Variants in PSORS1C1 observed in about 807,000 individuals in gnomAD.
PSORS1C1 encodes the protein psoriasis susceptibility 1 candidate 1, also known as psoriasis susceptibility 1 candidate gene 1 protein.
A neutral mutation model predicts 9.4 loss-of-function variants in PSORS1C1; 7 were observed. The ratio of observed to expected loss-of-function variants is 0.75; its 90% CI spans 0.42 to 1.40. The LOEUF (loss-of-function observed/expected upper bound fraction) is 1.40, where lower values mean the gene tolerates loss of function less well. PSORS1C1 is among the 40% of genes most tolerant of loss of function. The pLI, the probability that PSORS1C1 is intolerant of heterozygous loss-of-function variation, is 0.01. For missense variants in PSORS1C1, 146 were observed against 178.1 expected (o/e 0.82, Z 1.02); for synonymous variants, 63 against 69.4 (o/e 0.91, Z 0.46).
intron 3 of PSORS1C1, chr6:31,137,661 G>C (rs1170475635): frequency 2.8e-6 from 1 of 359,522 alleles, no homozygotes; most frequent in Non-Finnish European, 5.0e-6. Flanking sequence ...CGATCGCGCG[G>C]GCAGGAAGAC....
chr6:31,135,008 GT>G (rs1405585386), intron 3 of PSORS1C1, among the ~76,000 whole-genome samples: 2 of 151,886 alleles, frequency 1.3e-5, no homozygotes, highest in African/African-American at 4.8e-5. Context: ...TGTAGAAACA[GT>G]TTTGCCATGT....
At chr6:31,129,764 G>A (rs1433924356) in intron 3 of PSORS1C1, 119 bp downstream of exon 3, 1 of 705,806 alleles carries the variant, frequency 1.4e-6, no homozygotes, top group Non-Finnish European at 2.6e-6. Flanking sequence ...AGAAAGACAA[G>A]GCACAGTTGC....
At chr6:31,136,009 T>G (rs1012122813) in intron 3 of PSORS1C1, among the ~76,000 whole-genome samples, 2 of 152,150 alleles carry the variant, frequency 1.3e-5, no homozygotes, top group Non-Finnish European at 1.5e-5. Flanking sequence ...GCCATGATCG[T>G]GCCACTGCAC....
In PSORS1C1 at chr6:31,134,508, T is replaced by C. The variant is rs1002264818; in HGVS notation, c.14-3922T>C. 4.6e-5 allele frequency among the ~76,000 whole-genome samples: 7 copies of C among 151,980 alleles called. No homozygotes were observed. In the East Asian group the frequency reaches 1.2e-3, roughly 25 times the overall value. On this transcript the variant is annotated intron_variant, in intron 3 of 5. Coordinates refer to ENST00000259881, the MANE Select transcript of PSORS1C1 (RefSeq NM_014068.3). ...TTTTAGTAGAGACTGGGTTTCACCA[T>C]GTTAGCCAGGATGGTCTCGATCTCC... is the stretch of plus-strand genomic sequence containing the variant.
At position 31,115,323 on chromosome 6, in the gene PSORS1C1, G is replaced by A. The variant is rs961504330; in HGVS notation, c.-229+432G>A. The A allele has an allele frequency of 1.6e-5, 3 of 186,454 alleles. No homozygotes were observed. Among genetic ancestry groups the A allele is most frequent in the Non-Finnish European group, 3.4e-5 (3 of 88,554 alleles). 11.5% of individuals were successfully genotyped at this position (186,454 alleles called of 1,614,324 possible). A position where few individuals can be genotyped will look rare whatever the true frequency, so the allele number is the denominator to read the frequency against. ...GTCCAGGATCCAGGGACAGCAGGGA[G>A]CCTGCTTCAACCTCTGAGGGTGCCC... On this transcript the variant is annotated intron_variant, in intron 1 of 5. Coordinates refer to ENST00000259881, the MANE Select transcript of PSORS1C1 (RefSeq NM_014068.3). The surrounding 1 kb of genome is among the most constrained non-coding windows in gnomAD (Gnocchi z 4.2).
At position 31,123,485 on chromosome 6, in the gene PSORS1C1, C is replaced by T. The variant is rs528620494; in HGVS notation, c.-228-2191C>T. Among the ~76,000 whole-genome samples the T allele has an allele frequency of 4.6e-5, 7 of 152,348 alleles. No homozygotes were observed. The East Asian group carries it at 5.8e-4, about 13-fold the overall frequency. On this transcript the variant is annotated intron_variant, in intron 1 of 5. Transcript: ENST00000259881. ...TTCAGTGAAGCTGCCAGTTTGGTGA[C>T]GTCCACAGTAGTGCAGGCAGCTCTG... is the stretch of plus-strand genomic sequence containing the variant.
intron 3 of PSORS1C1, among the ~76,000 whole-genome samples, chr6:31,131,858 G>C (rs1772927503): frequency 6.6e-6 from 1 of 152,248 alleles, no homozygotes; most frequent in African/African-American, 2.4e-5. Flanking sequence ...GTAGAAAGTA[G>C]TTGCAATAGT....
chr6:31,129,262 G>T (rs949432584), intron 2 of PSORS1C1, among the ~76,000 whole-genome samples: 10 of 152,058 alleles, frequency 6.6e-5, no homozygotes, highest in Non-Finnish European at 1.3e-4. Context: ...ATCCTATTCT[G>T]TTATTTAATT....
Position 31,128,873 on chromosome 6 carries a change from C to G in PSORS1C1, c.-64-696C>G, listed in dbSNP as rs528276262. The stretch of plus-strand genomic sequence containing the variant: ...TTGTCATGATGTATATGTTTGTCCT[C>G]CCTAAACACAGAGCCCCTTGAGGGC... On this transcript the variant is annotated intron_variant, in intron 2 of 5. Coordinates refer to ENST00000259881, the MANE Select transcript of PSORS1C1 (RefSeq NM_014068.3). The surrounding 1 kb of genome is among the most constrained non-coding windows in gnomAD (Gnocchi z 4.3). 2.6e-5 allele frequency among the ~76,000 whole-genome samples: 4 copies of G among 152,312 alleles called. No individual in the cohort carries two copies. The highest frequency in any genetic ancestry group is 9.6e-5 in the African/African-American group (4 of 41,574).
chr6:31,116,277 C>T, intron 1 of PSORS1C1: 1 of 1,614,112 alleles, frequency 6.2e-7, no homozygotes. Flanking sequence ...TGCCACAAGG[C>T]TGAAGGATGA....
At chr6:31,129,444 C>T (rs1410634528) in intron 2 of PSORS1C1, 125 bp from the exon 3 acceptor site, 1 of 622,484 alleles carries the variant, frequency 1.6e-6, no homozygotes, top group Non-Finnish European at 2.9e-6. Context: ...CACTCAGTCT[C>T]CTCCCCAGCT....
intron 1 of PSORS1C1, chr6:31,117,740 G>C (rs1206483257): frequency 1.7e-6 from 1 of 592,584 alleles, no homozygotes; most frequent in African/African-American, 1.9e-5. Flanking sequence ...GGAAGGGTGG[G>C]CAAACACCAA....
chr6:31,132,408 GCTACT>G (rs199767002), intron 3 of PSORS1C1, among the ~76,000 whole-genome samples: 13,443 of 152,080 alleles, frequency 0.088, 701 homozygotes, highest in Middle Eastern at 0.17. Flanking sequence ...TGTAATCCCA[GCTACT>G]CAGGAAGCAG....
chr6:31,130,983 A>T (rs1390214956), intron 3 of PSORS1C1, among the ~76,000 whole-genome samples: 1 of 151,496 alleles, frequency 6.6e-6, no homozygotes, highest in Non-Finnish European at 1.5e-5. Flanking sequence ...GCGCCCTACC[A>T]TGTTCAGCTA....
chr6:31,138,048 G>C, intron 3 of PSORS1C1: 1 of 1,533,826 alleles, frequency 6.5e-7, no homozygotes, highest in Non-Finnish European at 8.7e-7. Context: ...TGGGGGCTGG[G>C]GTCCTGCCGG....
intron 2 of PSORS1C1, among the ~76,000 whole-genome samples, chr6:31,126,200 C>G (rs555205612): frequency 6.6e-6 from 1 of 152,350 alleles, no homozygotes; most frequent in South Asian, 2.1e-4. Flanking sequence ...AGCCACTCTT[C>G]TCTCTATTGG....
At chr6:31,130,356 G>T (rs1435099728) in intron 3 of PSORS1C1, among the ~76,000 whole-genome samples, 1 of 151,006 alleles carries the variant, frequency 6.6e-6, no homozygotes, top group East Asian at 1.9e-4. Context: ...ATGCTCAGGT[G>T]ATCTTCCTGC....
intron 3 of PSORS1C1, among the ~76,000 whole-genome samples, chr6:31,134,935 G>A (rs1773079446): frequency 1.3e-5 from 2 of 151,960 alleles, no homozygotes; most frequent in Non-Finnish European, 2.9e-5. Flanking sequence ...TCCCACCTCA[G>A]CCTCCTGAGT....
At chr6:31,132,480 C>A (rs1042681812) in intron 3 of PSORS1C1, among the ~76,000 whole-genome samples, 4 of 144,024 alleles carry the variant, frequency 2.8e-5, no homozygotes, top group Admixed American at 1.4e-4. Context: ...TGAGATCACA[C>A]CACTGCATTC....
Sources: allele counts gnomAD v4.1 joint callset (sites outside exome capture counted in the v4.1 genomes callset), GRCh38; gene constraint gnomAD v4.1.1; non-coding constraint Gnocchi (gnomAD v3.1); transcripts MANE v1.5; gene names NCBI Gene and HGNC (gene_info 2026-07-23, HGNC 2026-07-21).